Variants in APBA2 observed in about 807,000 individuals in gnomAD.
APBA2 encodes the protein amyloid beta precursor protein binding family A member 2.
APBA2 carries 30 observed loss-of-function variants against 75.0 expected under a neutral mutation model. The ratio of observed to expected loss-of-function variants is 0.40; its 90% CI spans 0.30 to 0.54. The LOEUF (loss-of-function observed/expected upper bound fraction) is 0.54, where lower values mean the gene tolerates loss of function less well. Ranked by LOEUF, APBA2 falls within the 20% of genes least tolerant of loss-of-function variation. The pLI, the probability that APBA2 is intolerant of heterozygous loss-of-function variation, is 0.49. For synonymous variants in APBA2, 444 were observed against 409.6 expected, an observed-to-expected ratio of 1.08 and a Z score of -1.01; for missense variants, 801 against 1,016.1, an observed-to-expected ratio of 0.79 and a Z score of 2.88.
intron 14 of APBA2, among the ~76,000 whole-genome samples, chr15:29,114,218 G>C (rs1023592852): frequency 6.6e-6 from 1 of 152,236 alleles, no homozygotes; most frequent in African/African-American, 2.4e-5. Context: ...CTGAGCAACC[G>C]GGAGGGCACA....
intron 3 of APBA2, among the ~76,000 whole-genome samples, chr15:29,015,345 G>T (rs541741210): frequency 6.6e-6 from 1 of 152,268 alleles, no homozygotes; most frequent in African/African-American, 2.4e-5. Context: ...TACAGCATCT[G>T]TAGTAGAATA....
rs916231861 is a variant in APBA2 at position 29,041,968 on chromosome 15, G to T, written c.-40-11877G>T. Among the ~76,000 whole-genome samples the T allele has an allele frequency of 5.0e-4, 76 of 152,140 alleles. 3 individuals carry two copies. The highest frequency in any genetic ancestry group is 1.5e-5 in the Non-Finnish European group (1 of 68,030). On this transcript the variant is annotated intron_variant, in intron 3 of 14. Transcript: ENST00000683413. ...CTGCTGTAAGAAGTCCACAGACTGGGTGGCATAAACAACAGAAGCTTACTG... is the reference window on the plus strand; with the variant it reads ...CTGCTGTAAGAAGTCCACAGACTGGTTGGCATAAACAACAGAAGCTTACTG...
At chr15:29,103,483 G>T (rs945997769) in intron 10 of APBA2, among the ~76,000 whole-genome samples, 52 of 152,334 alleles carry the variant, frequency 3.4e-4, no homozygotes, top group Middle Eastern at 3.4e-3. Context: ...AGCGCCAGCC[G>T]CAGAGAGAGC....
chr15:29,053,779 TG>T, intron 3 of APBA2, 65 bp from the exon 4 acceptor site: 1 of 978,790 alleles, frequency 1.0e-6, no homozygotes, highest in Non-Finnish European at 1.5e-6. Flanking sequence ...TGTGGTGAAG[TG>T]GCCCCACACA....
intron 2 of APBA2, among the ~76,000 whole-genome samples, chr15:28,939,869 A>G (rs933892244): frequency 6.6e-6 from 1 of 152,156 alleles, no homozygotes; most frequent in African/African-American, 2.4e-5. Flanking sequence ...ACAGAAACAG[A>G]GCCGTAAGGA....
rs1464428019 is a variant in APBA2 at position 28,991,463 on chromosome 15, G to C, written c.-94-4290G>C. Among the ~76,000 whole-genome samples the C allele has an allele frequency of 6.6e-6, 1 of 152,028 alleles. No individual in the cohort carries two copies. Among genetic ancestry groups the C allele is most frequent in the Non-Finnish European group, 1.5e-5 (1 of 68,022 alleles). On this transcript the variant is annotated intron_variant, in intron 2 of 14. Coordinates refer to ENST00000683413, the MANE Select transcript of APBA2 (RefSeq NM_001353788.2). This position sits in a 1 kb window ranked among gnomAD's most constrained non-coding sequence, Gnocchi z 4.7. ...CGGAGCTCACCTTGTGCCAGGTGTT[G>C]AGCTCTGCCAGCTGCCCGGCCCCAC...
rs766720596 is a variant in APBA2 at position 29,113,929 on chromosome 15, C to G, written c.2091C>G (p.Gly697=). The part of the protein sequence containing the change: ...GIAERGGVRV[G]HRIIEINGQS... ...CTGAGCGAGGGGGCGTCCGTGTGGG[C>G]CACCGCATCATCGAGATCAACGGGC... Residue 697 remains glycine, a synonymous_variant, in exon 14 of 15, where the codon GGC becomes GGG. Transcript: ENST00000683413. The G allele has an allele frequency of 1.2e-6, 2 of 1,613,398 alleles. No homozygotes were observed. Among genetic ancestry groups the G allele is most frequent in the Middle Eastern group, 1.6e-4 (1 of 6,062 alleles).
At chr15:28,952,557 T>A (rs569970231) in intron 2 of APBA2, among the ~76,000 whole-genome samples, 1 of 152,264 alleles carries the variant, frequency 6.6e-6, no homozygotes, top group East Asian at 1.9e-4. Context: ...CTGGGGTACC[T>A]GCTATCCAGT....
chr15:28,928,326 G>C (rs1211551334), intron 2 of APBA2, among the ~76,000 whole-genome samples: 1 of 152,060 alleles, frequency 6.6e-6, no homozygotes, highest in Non-Finnish European at 1.5e-5. Context: ...GAGTGCCGGC[G>C]TATTCCGATC....
chr15:28,957,516 C>T (rs778606993), intron 2 of APBA2, among the ~76,000 whole-genome samples: 2 of 152,186 alleles, frequency 1.3e-5, no homozygotes, highest in African/African-American at 2.4e-5. Context: ...TCCTACCCAC[C>T]GTGTACAAGG....
intron 13 of APBA2, 28 bp from the exon 14 acceptor site, chr15:29,113,848 G>C (rs752069128): frequency 5.0e-6 from 8 of 1,593,732 alleles, no homozygotes; most frequent in Admixed American, 1.7e-5. Context: ...GCGGGAACAC[G>C]TGTGCTGACC....
intron 2 of APBA2, among the ~76,000 whole-genome samples, chr15:28,947,754 T>G (rs2035626558): frequency 1.3e-5 from 2 of 152,310 alleles, no homozygotes; most frequent in South Asian, 4.1e-4. Flanking sequence ...CAAACCACCT[T>G]GTAAATCTCA....
chr15:28,890,506 C>T (rs1318919479), intron 1 of APBA2, among the ~76,000 whole-genome samples: 2 of 152,240 alleles, frequency 1.3e-5, no homozygotes, highest in African/African-American at 4.8e-5. Flanking sequence ...GGCTCCCAGC[C>T]ACTCTGCTTT....
chr15:29,045,779 A>T (rs558429845), intron 3 of APBA2, among the ~76,000 whole-genome samples: 3 of 152,286 alleles, frequency 2.0e-5, no homozygotes, highest in Admixed American at 2.0e-4. Context: ...ATTCCTCTCT[A>T]TATTTCCTAT....
At chr15:28,939,087 T>C (rs2035039814) in intron 2 of APBA2, among the ~76,000 whole-genome samples, 1 of 152,168 alleles carries the variant, frequency 6.6e-6, no homozygotes, top group Non-Finnish European at 1.5e-5. Context: ...TCTAGGTACC[T>C]CATGTAAGTG....
chr15:28,886,737 C>G (rs1210330016), intron 1 of APBA2, among the ~76,000 whole-genome samples: 1 of 152,186 alleles, frequency 6.6e-6, no homozygotes, highest in Non-Finnish European at 1.5e-5. Context: ...AGAACCCAAG[C>G]CCAGATCTTC....
At chr15:29,055,921 G>T (rs1417373885) in intron 4 of APBA2, among the ~76,000 whole-genome samples, 2 of 152,140 alleles carry the variant, frequency 1.3e-5, no homozygotes, top group Non-Finnish European at 2.9e-5. Flanking sequence ...AGCTCCCATG[G>T]TACTAGTGGG....
In APBA2 at chr15:29,108,403, C is replaced by T. The variant is rs749633543; in HGVS notation, c.2037+14C>T. Reference sequence around the variant, plus strand: ...CAGAATGGAATTGTGAGTTCCCCCTCCTGCTCTGGGCCACCACCACCACTG... The same window carrying T: ...CAGAATGGAATTGTGAGTTCCCCCTTCTGCTCTGGGCCACCACCACCACTG... On this transcript the variant is annotated intron_variant, in intron 13 of 14. Coordinates refer to ENST00000683413, the MANE Select transcript of APBA2 (RefSeq NM_001353788.2). 1.2e-5 allele frequency: 20 copies of T among 1,613,944 alleles called. No individual in the cohort carries two copies. Among genetic ancestry groups the T allele is most frequent in the South Asian group, 3.3e-5 (3 of 91,088 alleles).
At chr15:28,920,895 C>G (rs2033938878) in intron 1 of APBA2, among the ~76,000 whole-genome samples, 1 of 152,102 alleles carries the variant, frequency 6.6e-6, no homozygotes, top group African/African-American at 2.4e-5. Flanking sequence ...AGTGGCAGAG[C>G]TAGGACGTCT....
Sources: allele counts gnomAD v4.1 joint callset (sites outside exome capture counted in the v4.1 genomes callset), GRCh38; gene constraint gnomAD v4.1.1; non-coding constraint Gnocchi (gnomAD v3.1); transcripts MANE v1.5; gene names NCBI Gene and HGNC (gene_info 2026-07-23, HGNC 2026-07-21).